The following MITF variants were observed in gnomAD, a reference collection of about 807,000 sequenced individuals.
MITF encodes the protein microphthalmia-associated transcription factor.
A neutral mutation model predicts 60.5 loss-of-function variants in MITF; 17 were observed. The observed-to-expected ratio is 0.28, with a 90% CI of 0.19 to 0.42. The LOEUF (loss-of-function observed/expected upper bound fraction) is 0.42. Among genes scored for constraint, MITF ranks in the 10% least tolerant of loss-of-function variants. The pLI is 1.00. For missense variants in MITF, 622 were observed against 683.5 expected (o/e 0.91, Z 1.00); for synonymous variants, 260 against 248.5 (o/e 1.05, Z -0.43).
intron 1 of MITF, among the ~76,000 whole-genome samples, chr3:69,852,067 A>T (rs1041903590): frequency 6.6e-6 from 1 of 152,184 alleles, no homozygotes; most frequent in Non-Finnish European, 1.5e-5. Context: ...TTATAATTAT[A>T]TTATGGGACA....
intron 1 of MITF, among the ~76,000 whole-genome samples, chr3:69,821,655 C>A (rs2063274012): frequency 8.3e-6 from 1 of 120,902 alleles, no homozygotes. Context: ...TATTAGGATC[C>A]TAAAGTCTTC....
intron 1 of MITF, among the ~76,000 whole-genome samples, chr3:69,759,396 G>T (rs2062178106): frequency 6.6e-6 from 1 of 152,130 alleles, no homozygotes. Context: ...ACTGTGAAAA[G>T]GACACTTTTT....
intron 1 of MITF, among the ~76,000 whole-genome samples, chr3:69,802,270 G>A (rs1187165827): frequency 6.6e-6 from 1 of 152,124 alleles, no homozygotes; most frequent in Non-Finnish European, 1.5e-5. Flanking sequence ...GCATAGGACA[G>A]CCTCTGCAAC....
chr3:69,884,985 G>T (rs990898426), intron 2 of MITF, among the ~76,000 whole-genome samples: 1 of 152,086 alleles, frequency 6.6e-6, no homozygotes, highest in Non-Finnish European at 1.5e-5. Context: ...TGTTCATTGG[G>T]CAATATTGGC....
At chr3:69,873,908 G>A (rs2064293631) in intron 1 of MITF, among the ~76,000 whole-genome samples, 2 of 152,282 alleles carry the variant, frequency 1.3e-5, no homozygotes, top group South Asian at 2.1e-4. Context: ...AGAATTTCCA[G>A]GAATGAGGCT....
chr3:69,936,481 A>G, intron 2 of MITF: 1 of 781,178 alleles, frequency 1.3e-6, no homozygotes, highest in Middle Eastern at 4.3e-4. Context: ...AACATTTAAG[A>G]CCAAACTCGT....
intron 1 of MITF, among the ~76,000 whole-genome samples, chr3:69,784,837 C>T (rs1282854638): frequency 6.6e-6 from 1 of 152,060 alleles, no homozygotes; most frequent in Non-Finnish European, 1.5e-5. Flanking sequence ...ATCTAAGTGT[C>T]ATAAAGTTAA....
chr3:69,775,574 C>A (rs2062461062), intron 1 of MITF, among the ~76,000 whole-genome samples: 1 of 152,140 alleles, frequency 6.6e-6, no homozygotes, highest in Non-Finnish European at 1.5e-5. Context: ...TGTGATTTGT[C>A]AATTTATTTT....
In MITF at chr3:69,896,584, G is replaced by A. The variant is rs112893796; in HGVS notation, c.354+17201G>A. Among the ~76,000 whole-genome samples the A allele has an allele frequency of 7.9e-3, 1,196 of 152,202 alleles. 9 individuals are homozygous for A. Among genetic ancestry groups the A allele is most frequent in the African/African-American group, 0.027 (1,121 of 41,524 alleles). The stretch of plus-strand genomic sequence containing the variant: ...TACTGATTGTTGTTATTCGTGCTCC[G>A]GTTATAAAGGTGCATAGGTTTTGAG... On this transcript the variant is annotated intron_variant, in intron 2 of 9. Coordinates refer to ENST00000352241, the MANE Select transcript of MITF (RefSeq NM_001354604.2).
rs954879023 is a variant in MITF at position 69,814,003 on chromosome 3, A to G, written c.105-65131A>G. On this transcript the variant is annotated intron_variant, in intron 1 of 9. Coordinates refer to ENST00000352241, the MANE Select transcript of MITF (RefSeq NM_001354604.2). Reference sequence around the variant, plus strand: ...CATTGTTTCATATGCCCTTCAGTCCATGAGGTAAATGGTGGTATGGCTGGC... The same window carrying G: ...CATTGTTTCATATGCCCTTCAGTCCGTGAGGTAAATGGTGGTATGGCTGGC... 6.6e-5 allele frequency among the ~76,000 whole-genome samples: 10 copies of G among 152,110 alleles called. 1 individual carries two copies. Among genetic ancestry groups the G allele is most frequent in the Non-Finnish European group, 8.8e-5 (6 of 68,022 alleles).
chr3:69,910,907 T>C (rs143350150), intron 2 of MITF, among the ~76,000 whole-genome samples: 2,344 of 152,216 alleles, frequency 0.015, 29 homozygotes, highest in Middle Eastern at 0.051. Context: ...GAGAGCCTGT[T>C]GGGAAGGCAT....
chr3:69,777,910 T>TTTTA (rs1354367495), intron 1 of MITF, among the ~76,000 whole-genome samples: 1 of 151,572 alleles, frequency 6.6e-6, no homozygotes, highest in African/African-American at 2.4e-5. Flanking sequence ...AATGGAAAGG[T>TTTTA]TTTAAGTGGG....
intron 5 of MITF, among the ~76,000 whole-genome samples, chr3:69,948,791 C>T (rs1265011479): frequency 2.6e-5 from 4 of 152,180 alleles, no homozygotes; most frequent in Non-Finnish European, 5.9e-5. Context: ...AATAAACTGA[C>T]TGGCTAGTTA....
At chr3:69,955,933 C>T (rs770569994) in intron 7 of MITF, among the ~76,000 whole-genome samples, 2 of 152,108 alleles carry the variant, frequency 1.3e-5, no homozygotes, top group South Asian at 2.1e-4. Flanking sequence ...AAATTGTACT[C>T]GTATGTTATA....
At chr3:69,904,562 C>G (rs1351822923) in intron 2 of MITF, among the ~76,000 whole-genome samples, 1 of 152,172 alleles carries the variant, frequency 6.6e-6, no homozygotes, top group East Asian at 1.9e-4. Context: ...GTCCCTCTAC[C>G]TCTCTCTCCT....
intron 5 of MITF, among the ~76,000 whole-genome samples, chr3:69,944,565 C>G (rs80148428): frequency 1.3e-5 from 2 of 152,130 alleles, no homozygotes; most frequent in East Asian, 3.9e-4. Context: ...TTCAACAAAT[C>G]TATTTCAGCA....
At chr3:69,785,220 T>C (rs948735393) in intron 1 of MITF, among the ~76,000 whole-genome samples, 5 of 152,102 alleles carry the variant, frequency 3.3e-5, no homozygotes, top group Non-Finnish European at 7.4e-5. Context: ...GCAAGCTGAG[T>C]GGAGCAGTGA....
At chr3:69,874,878 G>C (rs1038972254) in intron 1 of MITF, among the ~76,000 whole-genome samples, 3 of 152,180 alleles carry the variant, frequency 2.0e-5, no homozygotes, top group Non-Finnish European at 2.9e-5. Context: ...TTAGCAAAAC[G>C]TCAGATAGTT....
chr3:69,921,053 A>G (rs1188622027), intron 2 of MITF, among the ~76,000 whole-genome samples: 1 of 152,162 alleles, frequency 6.6e-6, no homozygotes, highest in Non-Finnish European at 1.5e-5. Flanking sequence ...TAGTTTTAGT[A>G]GAGACAGGGT....
Sources: gnomAD v4.1 joint callset for allele counts (sites outside exome capture counted in the v4.1 genomes callset) on GRCh38, gnomAD v4.1.1 for gene constraint, MANE v1.5 for transcripts, NCBI Gene and HGNC (gene_info 2026-07-23, HGNC 2026-07-21) for gene names.